The following DLGAP2 variants were observed in gnomAD, a reference collection of about 807,000 sequenced individuals.
DLGAP2 encodes the protein disks large-associated protein 2.
DLGAP2 carries 26 observed loss-of-function variants against 100.3 expected under a neutral mutation model. That is an observed-to-expected ratio of 0.26 (90% CI 0.19 to 0.36). DLGAP2 has a LOEUF of 0.36. DLGAP2 is among the 10% of genes least tolerant of loss of function. DLGAP2 has a pLI of 1.00. For missense variants in DLGAP2, 1,858 were observed against 1,453.2 expected (o/e 1.28, Z -4.53); for synonymous variants, 886 against 630.1 (o/e 1.41, Z -6.08).
At chr8:1,355,019 G>A (rs1187482482) in intron 3 of DLGAP2, among the ~76,000 whole-genome samples, 3 of 150,276 alleles carry the variant, frequency 2.0e-5, no homozygotes, top group Non-Finnish European at 4.4e-5. Flanking sequence ...GGAAAGTCAC[G>A]GATGATGCTG....
chr8:982,883 A>ATTTTT (rs35686773), intron 2 of DLGAP2, among the ~76,000 whole-genome samples: 2 of 117,336 alleles, frequency 1.7e-5, no homozygotes, highest in African/African-American at 3.3e-5. Context: ...TAAAGGTAGG[A>ATTTTT]TTTTTTTTTT....
chr8:1,449,957 C>T (rs112885807), intron 3 of DLGAP2, among the ~76,000 whole-genome samples: 65 of 78,874 alleles, frequency 8.2e-4, no homozygotes, highest in Middle Eastern at 0.013. Flanking sequence ...AGGGTGAAGA[C>T]GAGGTGGGCG....
At chr8:956,936 C>T (rs1343733019) in intron 2 of DLGAP2, among the ~76,000 whole-genome samples, 3 of 152,188 alleles carry the variant, frequency 2.0e-5, no homozygotes, top group African/African-American at 7.2e-5. Flanking sequence ...TTTGTTTTCA[C>T]ATTTCACACC....
chr8:1,474,628 T>G (rs772002485), intron 3 of DLGAP2, among the ~76,000 whole-genome samples: 36 of 152,186 alleles, frequency 2.4e-4, no homozygotes, highest in Non-Finnish European at 5.0e-4. Flanking sequence ...GATAAAATGC[T>G]CATCATCAGT....
chr8:1,101,102 T>G (rs1804564068), intron 2 of DLGAP2, among the ~76,000 whole-genome samples: 1 of 152,204 alleles, frequency 6.6e-6, no homozygotes, highest in Non-Finnish European at 1.5e-5. Flanking sequence ...CTGAACGGCA[T>G]CTTCACTCTG....
intron 3 of DLGAP2, among the ~76,000 whole-genome samples, chr8:1,424,780 C>T (rs1301858097): frequency 6.6e-6 from 1 of 152,094 alleles, no homozygotes; most frequent in Admixed American, 6.5e-5. Context: ...AGACAGAAGG[C>T]CGAATAGGAC....
intron 5 of DLGAP2, among the ~76,000 whole-genome samples, chr8:1,559,641 A>G (rs1480714465): frequency 6.6e-6 from 1 of 152,180 alleles, no homozygotes. Flanking sequence ...TTTGTTTTTT[A>G]TGGAAACATG....
intron 2 of DLGAP2, among the ~76,000 whole-genome samples, chr8:1,112,259 G>A (rs369331171): frequency 9.2e-5 from 1 of 10,892 alleles, no homozygotes; most frequent in Non-Finnish European, 2.0e-4. Flanking sequence ...TTTTTTTTTT[G>A]AGACAGAGTT....
At chr8:1,501,321 A>G in intron 3 of DLGAP2, 45 bp from the exon 4 acceptor site, 3 of 1,532,604 alleles carry the variant, frequency 2.0e-6, no homozygotes, top group Non-Finnish European at 2.6e-6. Context: ...ACTGCAGTCT[A>G]CACCAGAAAC....
intron 1 of DLGAP2, among the ~76,000 whole-genome samples, chr8:852,994 G>A (rs1279755461): frequency 6.6e-6 from 1 of 152,226 alleles, no homozygotes; most frequent in African/African-American, 2.4e-5. Flanking sequence ...CTTTGGGGCA[G>A]TGGGCTTTGT....
At chr8:1,011,112 G>A (rs1801268852) in intron 2 of DLGAP2, among the ~76,000 whole-genome samples, 1 of 151,168 alleles carries the variant, frequency 6.6e-6, no homozygotes, top group East Asian at 2.0e-4. Context: ...AGTCTGCACA[G>A]TGAGCCCGGG....
At chr8:1,425,571 G>A (rs1046469905) in intron 3 of DLGAP2, among the ~76,000 whole-genome samples, 1 of 152,196 alleles carries the variant, frequency 6.6e-6, no homozygotes, top group Non-Finnish European at 1.5e-5. Context: ...TGGATCCCTT[G>A]GAGCAGATGT....
intron 3 of DLGAP2, among the ~76,000 whole-genome samples, chr8:1,380,503 G>T (rs993476813): frequency 2.6e-5 from 4 of 151,948 alleles, no homozygotes; most frequent in African/African-American, 9.7e-5. Flanking sequence ...CTGCACAAAA[G>T]ACTTGTGATA....
At chr8:865,472 A>G (rs999509638) in intron 1 of DLGAP2, among the ~76,000 whole-genome samples, 1 of 152,066 alleles carries the variant, frequency 6.6e-6, no homozygotes, top group African/African-American at 2.4e-5. Flanking sequence ...TGCTGTTCTC[A>G]GTGTTGATCA....
At chr8:1,511,658 G>A (rs538174382) in intron 4 of DLGAP2, among the ~76,000 whole-genome samples, 8 of 151,580 alleles carry the variant, frequency 5.3e-5, no homozygotes, top group South Asian at 2.1e-4. Flanking sequence ...TTCCATGGAC[G>A]TAAGGGCTGT....
chr8:1,048,026 A>G (rs901813553), intron 2 of DLGAP2, among the ~76,000 whole-genome samples: 6 of 152,108 alleles, frequency 3.9e-5, no homozygotes, highest in Admixed American at 6.5e-5. Flanking sequence ...ACACTGTGGT[A>G]TTTGACCCGA....
intron 2 of DLGAP2, among the ~76,000 whole-genome samples, chr8:1,007,309 C>A (rs764958464): frequency 6.6e-6 from 1 of 152,188 alleles, no homozygotes; most frequent in Non-Finnish European, 1.5e-5. Context: ...GCTGGAGGAC[C>A]TGGCCAGCCG....
At chr8:1,446,143 G>T (rs1797980980) in intron 3 of DLGAP2, among the ~76,000 whole-genome samples, 1 of 152,006 alleles carries the variant, frequency 6.6e-6, no homozygotes. Flanking sequence ...TGCTTTTGGT[G>T]TTTTAGACAT....
intron 2 of DLGAP2, among the ~76,000 whole-genome samples, chr8:969,621 G>T (rs1282968953): frequency 6.6e-6 from 1 of 151,980 alleles, no homozygotes; most frequent in Non-Finnish European, 1.5e-5. Context: ...TGTGTCCTAG[G>T]TACTTTGTGG....
Sources: gnomAD v4.1 joint callset for allele counts (sites outside exome capture counted in the v4.1 genomes callset) on GRCh38, gnomAD v4.1.1 for gene constraint, MANE v1.5 for transcripts, NCBI Gene and HGNC (gene_info 2026-07-23, HGNC 2026-07-21) for gene names.